The following RABL6 variants were observed in gnomAD, a reference collection of about 807,000 sequenced individuals.
RABL6 encodes rab-like protein 6.
A neutral mutation model predicts 72.9 loss-of-function variants in RABL6; 28 were observed. The ratio of observed to expected loss-of-function variants is 0.38; its 90% CI spans 0.28 to 0.53. RABL6 has a LOEUF of 0.53. Among genes scored for constraint, RABL6 ranks in the 20% least tolerant of loss-of-function variants. The pLI, the probability that RABL6 is intolerant of heterozygous loss-of-function variation, is 0.80. For missense variants in RABL6, 1,029 were observed against 1,008.4 expected, an observed-to-expected ratio of 1.02 and a Z score of -0.28; for synonymous variants, 477 against 421.2, an observed-to-expected ratio of 1.13 and a Z score of -1.62.
chr9:136,808,549 G>T, intron 1 of RABL6: 1 of 290,520 alleles, frequency 3.4e-6, no homozygotes, highest in Admixed American at 5.4e-5. Flanking sequence ...TCGTTTCCCA[G>T]CCGCACTCGC....
At chr9:136,810,102 A>G (rs1847975827) in intron 1 of RABL6, 1 of 152,274 alleles carries the variant, frequency 6.6e-6, no homozygotes, top group South Asian at 2.1e-4. Flanking sequence ...AGTCAAAATA[A>G]CTGAGTTTAC....
Position 136,807,977 on chromosome 9 carries a change from T to G in RABL6, c.-220T>G. On this transcript the variant is annotated 5_prime_UTR_variant, in exon 1 of 15. Coordinates refer to ENST00000311502, the MANE Select transcript of RABL6 (RefSeq NM_024718.5). ...GGCGGCGCTGACTCCTGGAGAGCGG[T>G]CGCGCCGGAGGCCGCGGGGGCCGGA... The G allele has an allele frequency of 5.0e-6, 5 of 1,004,426 alleles. No homozygotes were observed. Among genetic ancestry groups the G allele is most frequent in the Non-Finnish European group, 5.9e-6 (5 of 844,364 alleles). 62.2% of individuals were successfully genotyped at this position (1,004,426 alleles called of 1,614,324 possible).
rs1588340184 is a variant in RABL6 at position 136,808,143 on chromosome 9, C to T, written c.-54C>T. ...ACATGGTGCCAGTCGCACCCCTTCC[C>T]CGCCGCCGCTGAGCTCGCCGGCCGC... On this transcript the variant is annotated 5_prime_UTR_variant, in exon 1 of 15. Transcript: ENST00000311502. 4.1e-6 allele frequency: 6 copies of T among 1,457,832 alleles called. No homozygotes were observed. Among genetic ancestry groups the T allele is most frequent in the East Asian group, 3.2e-5 (1 of 31,630 alleles). 90.3% of individuals were successfully genotyped at this position (1,457,832 alleles called of 1,614,324 possible). A position where few individuals can be genotyped will look rare whatever the true frequency, so the allele number is the denominator to read the frequency against.
intron 7 of RABL6, chr9:136,834,124 G>C (rs1469562698): frequency 7.6e-7 from 1 of 1,315,252 alleles, no homozygotes; most frequent in Non-Finnish European, 9.7e-7. Context: ...CGGGACCCCT[G>C]TTTCCTCTTT....
intron 1 of RABL6, chr9:136,814,914 CG>C (rs1187001262): frequency 1.9e-5 from 3 of 157,834 alleles, no homozygotes; most frequent in Non-Finnish European, 2.8e-5. Context: ...TCTTCATCAT[CG>C]TCACCCTCGT....
At chr9:136,832,242 T>C (rs1848492877) in intron 6 of RABL6, 23 bp from the exon 7 acceptor site, 2 of 1,602,904 alleles carry the variant, frequency 1.2e-6, no homozygotes, top group African/African-American at 1.3e-5. Context: ...TTCTCTTGCA[T>C]CTTTTTTCCT....
Position 136,808,248 on chromosome 9 carries a change from G to A in RABL6, c.52G>A (p.Asp18Asn), listed in dbSNP as rs758633613. The A allele has an allele frequency of 8.9e-5, 140 of 1,566,026 alleles. No individual in the cohort carries two copies. Among genetic ancestry groups the A allele is most frequent in the Non-Finnish European group, 1.1e-4 (123 of 1,157,812 alleles). ...GGGGTCGGACCAGGCCCCGGGCCGGGACAAGAACATCCCCGCCGGGCTGCA... is the reference window on the plus strand; with the variant it reads ...GGGGTCGGACCAGGCCCCGGGCCGGAACAAGAACATCCCCGCCGGGCTGCA... ...LVGSDQAPGR[D>N]KNIPAGLQSM... Residue 18 changes from aspartate (D) to asparagine (N), a missense_variant, in exon 1 of 15, where the codon GAC (aspartate) becomes AAC (asparagine). Asp to Asn is a conservative substitution (Grantham distance 23). Coordinates refer to ENST00000311502, the MANE Select transcript of RABL6 (RefSeq NM_024718.5).
In RABL6 at chr9:136,812,923, C is replaced by T. The variant is rs545527433; in HGVS notation, c.130+4597C>T. The T allele has an allele frequency of 8.8e-6, 3 of 341,270 alleles. 1 individual carries two copies. Among genetic ancestry groups the T allele is most frequent in the South Asian group, 8.2e-5 (3 of 36,490 alleles). 21.1% of individuals were successfully genotyped at this position (341,270 alleles called of 1,614,324 possible). On this transcript the variant is annotated intron_variant, in intron 1 of 14. Coordinates refer to ENST00000311502, the MANE Select transcript of RABL6 (RefSeq NM_024718.5). ...CTCTACCTCCATCACAACCCCAAAGCCACCTTCGCCCTTAGGTTTGGCCCA... is the reference window on the plus strand; with the variant it reads ...CTCTACCTCCATCACAACCCCAAAGTCACCTTCGCCCTTAGGTTTGGCCCA...
intron 11 of RABL6, 42 bp downstream of exon 11, chr9:136,839,163 G>A (rs1380776103): frequency 3.1e-6 from 5 of 1,605,868 alleles, no homozygotes; most frequent in African/African-American, 1.3e-5. Flanking sequence ...GGAGACCCGG[G>A]TGGGGCAGTT....
At chr9:136,823,981 T>C (rs972687391) in intron 2 of RABL6, among the ~76,000 whole-genome samples, 1 of 152,230 alleles carries the variant, frequency 6.6e-6, no homozygotes, top group African/African-American at 2.4e-5. Flanking sequence ...CTGCACCCTC[T>C]TGGTGCACAT....
At position 136,840,400 on chromosome 9, in the gene RABL6, C is replaced by T. The variant is rs371663273; in HGVS notation, c.2068C>T (p.Arg690Trp). 9 of 1,551,124 alleles carry T rather than the reference C, an allele frequency of 5.8e-6. 1 individual carries two copies. The highest frequency in any genetic ancestry group is 4.7e-5 in the South Asian group (4 of 84,310). ...DKEEGKEERR[R>W]RQQRPPRSRE... Reference sequence around the variant, plus strand: ...GGAGGAGGGCAAGGAGGAGCGGCGACGGCGGCAGCAGCGGCCCCCGCGCAG... The same window carrying T: ...GGAGGAGGGCAAGGAGGAGCGGCGATGGCGGCAGCAGCGGCCCCCGCGCAG... Residue 690 changes from arginine to tryptophan, a missense_variant, in exon 15 of 15, where the codon CGG becomes TGG. Arg to Trp is a moderately radical substitution (Grantham distance 101). This residue lies in a region of RABL6 where 595 missense variants were observed against 472.4 expected (regional missense o/e 1.26). Coordinates refer to ENST00000311502, the MANE Select transcript of RABL6 (RefSeq NM_024718.5).
At chr9:136,830,042 C>T (rs1007704976) in intron 5 of RABL6, among the ~76,000 whole-genome samples, 2 of 152,216 alleles carry the variant, frequency 1.3e-5, no homozygotes, top group African/African-American at 2.4e-5. Flanking sequence ...GTGCTGCGGA[C>T]GCACACTTGG....
chr9:136,812,206 G>T (rs1221307187), intron 1 of RABL6, among the ~76,000 whole-genome samples: 2 of 152,172 alleles, frequency 1.3e-5, no homozygotes, highest in African/African-American at 4.8e-5. Context: ...ATACTGGCCT[G>T]GCCCAGGAGC....
At chr9:136,834,871 C>T (rs1285766381) in intron 7 of RABL6, among the ~76,000 whole-genome samples, 3 of 147,762 alleles carry the variant, frequency 2.0e-5, no homozygotes, top group African/African-American at 7.6e-5. Context: ...GAGGACAGCT[C>T]GAGCCCAGGA....
rs1848355401 is a variant in RABL6 at position 136,826,290 on chromosome 9, G to A, written c.313+464G>A. On this transcript the variant is annotated intron_variant, in intron 3 of 14. Coordinates refer to ENST00000311502, the MANE Select transcript of RABL6 (RefSeq NM_024718.5). This position sits in a 1 kb window ranked among gnomAD's most constrained non-coding sequence, Gnocchi z 4.9. ...TGGGAGGGCAGCACCAGCCCCCGGG[G>A]TGTCCTCGACATCGTTGGTCTCCTC... Among the ~76,000 whole-genome samples the A allele has an allele frequency of 6.6e-6, 1 of 152,160 alleles. No individual in the cohort carries two copies. The highest frequency in any genetic ancestry group is 6.5e-5 in the Admixed American group (1 of 15,280).
rs1847902679 is a variant in RABL6, at chr9:136,808,009, C to T, written c.-188C>T. On this transcript the variant is annotated 5_prime_UTR_variant, in exon 1 of 15. Transcript: ENST00000311502. ...GGAGGCCGCGGGGGCCGGAGCGGAG[C>T]AGCCGCGGCTGAGGTTCCCGAGTCG... 1 of 1,026,792 alleles carries T rather than the reference C, an allele frequency of 9.7e-7. No individual in the cohort carries two copies. Among genetic ancestry groups the T allele is most frequent in the Non-Finnish European group, 1.2e-6 (1 of 857,846 alleles). The allele number at this position is 1,026,792 out of a possible 1,614,324, so 63.6% of individuals were successfully genotyped here. A position where few individuals can be genotyped will look rare whatever the true frequency, so the allele number is the denominator to read the frequency against.
rs369734105 is a variant in RABL6 at position 136,839,037 on chromosome 9, C to G, written c.1409C>G (p.Ser470Trp). ...GTCCCCAGTCAAGACATCACTCTTT[C>G]GAGTGAGGAGGAAGCAGAAGTGGCA... ...GPVPSQDITL[S>W]SEEEAEVAAP... Residue 470 changes from serine (S) to tryptophan (W), a missense_variant, in exon 11 of 15, where the codon TCG becomes TGG. By Grantham distance (177) the Ser-to-Trp change is radical. Coordinates refer to ENST00000311502, the MANE Select transcript of RABL6 (RefSeq NM_024718.5). The G allele has an allele frequency of 1.9e-6, 3 of 1,612,370 alleles. No homozygotes were observed. The highest frequency in any genetic ancestry group is 4.5e-5 in the East Asian group (2 of 44,898).
chr9:136,840,918 C>T lies in RABL6; in HGVS notation c.*396C>T, dbSNP rs944119745. On this transcript the variant is annotated 3_prime_UTR_variant, in exon 15 of 15. Coordinates refer to ENST00000311502, the MANE Select transcript of RABL6 (RefSeq NM_024718.5). ...CCGGCACCTGCTTGCCCTCCGCGCT[C>T]ATCTGGGGCCGCAGCATGCCTATGG... 5.4e-6 allele frequency: 8 copies of T among 1,482,806 alleles called. No homozygotes were observed. Among genetic ancestry groups the T allele is most frequent in the Admixed American group, 4.8e-5 (2 of 41,814 alleles). The allele number at this position is 1,482,806 out of a possible 1,614,324, so 91.9% of individuals were successfully genotyped here. A position where few individuals can be genotyped will look rare whatever the true frequency, so the allele number is the denominator to read the frequency against.
chr9:136,837,971 C>A lies in RABL6; in HGVS notation c.1236C>A (p.Asp412Glu). 1 of 1,569,424 alleles carries A rather than the reference C, an allele frequency of 6.4e-7. No individual in the cohort carries two copies. Among genetic ancestry groups the A allele is most frequent in the Non-Finnish European group, 8.6e-7 (1 of 1,158,108 alleles). ...SFLEDTTPAR[D>E]EKKVGAKAAQ... ...TGGAAGACACAACCCCCGCCAGGGACGAGAAGAAGGTGGGGGCCAAGGCTG... is the reference window on the plus strand; with the variant it reads ...TGGAAGACACAACCCCCGCCAGGGAAGAGAAGAAGGTGGGGGCCAAGGCTG... The change falls in exon 10 of 15, where the codon GAC becomes GAA. Residue 412 changes from aspartate (D) to glutamate (E), a missense_variant. Around this residue, in one of 2 missense-constraint regions of RABL6, gnomAD observed 595 missense variants for 472.4 expected, o/e 1.26. Transcript: ENST00000311502.
Sources: gnomAD v4.1 joint callset for allele counts (sites outside exome capture counted in the v4.1 genomes callset) on GRCh38, gnomAD v4.1.1 for gene constraint, gnomAD v4.1.1 regional missense constraint, Gnocchi (gnomAD v3.1) non-coding constraint, MANE v1.5 for transcripts, NCBI Gene and HGNC (gene_info 2026-07-23, HGNC 2026-07-21) for gene names.